The following SMYD3 variants were observed in gnomAD, a reference collection of about 807,000 sequenced individuals.
The protein encoded by SMYD3 is SET and MYND domain containing 3, also known as histone-lysine N-methyltransferase SMYD3.
A neutral mutation model predicts 57.7 loss-of-function variants in SMYD3; 36 were observed. The ratio of observed to expected loss-of-function variants is 0.62; its 90% confidence interval spans 0.48 to 0.82. The LOEUF (loss-of-function observed/expected upper bound fraction) is 0.82. SMYD3 is among the 40% of genes least tolerant of loss of function. The pLI, the probability that SMYD3 is intolerant of heterozygous loss-of-function variation, is 0.00. For missense variants in SMYD3, 515 were observed against 538.8 expected, an observed-to-expected ratio of 0.96 and a Z score of 0.44; for synonymous variants, 211 against 195.0, an observed-to-expected ratio of 1.08 and a Z score of -0.68.
chr1:246,029,210 A>G (rs2148254847), intron 5 of SMYD3, among the ~76,000 whole-genome samples: 1 of 152,372 alleles, frequency 6.6e-6, no homozygotes, highest in Non-Finnish European at 1.5e-5. Flanking sequence ...GACAAATGGC[A>G]CTATATTAAA....
chr1:245,753,648 G>C (rs1345773683), intron 11 of SMYD3, among the ~76,000 whole-genome samples: 11 of 150,050 alleles, frequency 7.3e-5, no homozygotes, highest in Admixed American at 7.3e-4. Flanking sequence ...AGTCCTCAAC[G>C]ATGTACGGAG....
At chr1:246,121,835 G>C (rs1269987838) in intron 5 of SMYD3, among the ~76,000 whole-genome samples, 1 of 152,150 alleles carries the variant, frequency 6.6e-6, no homozygotes, top group Non-Finnish European at 1.5e-5. Context: ...CATATCATCT[G>C]TGACAAGAGC....
chr1:245,762,883 G>A (rs949741683), intron 11 of SMYD3, among the ~76,000 whole-genome samples: 17 of 152,242 alleles, frequency 1.1e-4, no homozygotes, highest in African/African-American at 4.1e-4. Flanking sequence ...AGGGCATGGC[G>A]GCCCAGAGGG....
At chr1:245,862,375 CAT>C (rs1197696851) in intron 9 of SMYD3, among the ~76,000 whole-genome samples, 10 of 152,084 alleles carry the variant, frequency 6.6e-5, no homozygotes, top group South Asian at 2.1e-4. Context: ...ATTTTTTTCA[CAT>C]GTTCTTATGC....
intron 5 of SMYD3, among the ~76,000 whole-genome samples, chr1:245,986,745 C>A (rs1300631447): frequency 6.6e-6 from 1 of 152,176 alleles, no homozygotes; most frequent in Admixed American, 6.5e-5. Context: ...GCAAGGCTGG[C>A]AAGAACGGGT....
intron 10 of SMYD3, among the ~76,000 whole-genome samples, chr1:245,805,815 G>T (rs1341534835): frequency 6.6e-6 from 1 of 152,208 alleles, no homozygotes; most frequent in East Asian, 1.9e-4. Context: ...AGTATCTGCT[G>T]TCTTACCTGA....
chr1:245,827,528 A>C (rs1426142222), intron 10 of SMYD3, among the ~76,000 whole-genome samples: 1 of 152,128 alleles, frequency 6.6e-6, no homozygotes, highest in Non-Finnish European at 1.5e-5. Flanking sequence ...CAGACAGTAA[A>C]ATCCTCCCAC....
At chr1:245,941,085 G>A (rs1026404489) in intron 5 of SMYD3, among the ~76,000 whole-genome samples, 3 of 152,136 alleles carry the variant, frequency 2.0e-5, no homozygotes, top group African/African-American at 7.2e-5. Flanking sequence ...AGACTGTCTT[G>A]CTGAAATAAG....
intron 5 of SMYD3, among the ~76,000 whole-genome samples, chr1:245,979,583 G>A (rs887790561): frequency 1.5e-4 from 23 of 152,262 alleles, no homozygotes; most frequent in Admixed American, 2.6e-4. Context: ...GCTGCCACCA[G>A]GAGCTACGGG....
intron 1 of SMYD3, among the ~76,000 whole-genome samples, chr1:246,470,124 A>G (rs1451811471): frequency 6.6e-6 from 1 of 152,230 alleles, no homozygotes; most frequent in Non-Finnish European, 1.5e-5. Flanking sequence ...TATTAATATC[A>G]TAAAAGATGA....
intron 8 of SMYD3, among the ~76,000 whole-genome samples, chr1:245,867,071 T>C (rs1353422821): frequency 6.6e-6 from 1 of 152,234 alleles, no homozygotes; most frequent in Non-Finnish European, 1.5e-5. Flanking sequence ...AATTAAGTTG[T>C]AGATGGGATT....
chr1:245,798,504 A>C (rs1350827971), intron 10 of SMYD3, among the ~76,000 whole-genome samples: 5 of 133,950 alleles, frequency 3.7e-5, no homozygotes, highest in African/African-American at 6.1e-5. Context: ...ACACACACAC[A>C]CCTTGAGCCT....
At chr1:246,393,337 C>T (rs755499229) in intron 1 of SMYD3, among the ~76,000 whole-genome samples, 48 of 152,140 alleles carry the variant, frequency 3.2e-4, no homozygotes, top group Non-Finnish European at 5.3e-4. Context: ...AGTGACAGAA[C>T]CAGAGGCTGC....
At chr1:246,476,231 A>G (rs2068029319) in intron 1 of SMYD3, among the ~76,000 whole-genome samples, 1 of 152,226 alleles carries the variant, frequency 6.6e-6, no homozygotes, top group South Asian at 2.1e-4. Flanking sequence ...ACGTACCATC[A>G]TCGTCACTGT....
At chr1:246,339,840 C>A (rs2065604108) in intron 2 of SMYD3, among the ~76,000 whole-genome samples, 1 of 152,244 alleles carries the variant, frequency 6.6e-6, no homozygotes, top group South Asian at 2.1e-4. Flanking sequence ...CTCTCAGGAG[C>A]ACGCTCCCGT....
chr1:245,813,005 C>CTTT lies in SMYD3; in HGVS notation c.1076+45488_1076+45490dup, dbSNP rs770448717. 3.4e-4 allele frequency among the ~76,000 whole-genome samples: 26 copies of CTTT among 75,646 alleles called. 2 individuals carry two copies. Among genetic ancestry groups the CTTT allele is most frequent in the East Asian group, 1.0e-3 (2 of 2,002 alleles). 49.6% of individuals were successfully genotyped at this position (75,646 alleles called of 152,430 possible). ...TGGAGCCATGGTCATGAGACAGCTT[C>CTTT]TTTTTTTTTTTTTTTTTTTTTTTTT... On this transcript the variant is annotated intron_variant, in intron 10 of 11. Coordinates refer to ENST00000490107, the MANE Select transcript of SMYD3 (RefSeq NM_001167740.2).
chr1:246,059,860 G>C (rs907496126), intron 5 of SMYD3, among the ~76,000 whole-genome samples: 1 of 152,110 alleles, frequency 6.6e-6, no homozygotes, highest in Non-Finnish European at 1.5e-5. Context: ...ATTTATGTTG[G>C]AACAGTAGGC....
intron 10 of SMYD3, among the ~76,000 whole-genome samples, chr1:245,804,197 C>T (rs1255661021): frequency 1.3e-5 from 2 of 152,148 alleles, no homozygotes; most frequent in East Asian, 3.9e-4. Context: ...AGGCGTGAGG[C>T]ACCGCGCCCA....
chr1:246,143,475 G>A lies in SMYD3; in HGVS notation c.531+183726C>T, dbSNP rs73141343. On this transcript the variant is annotated intron_variant, in intron 5 of 11. Transcript: ENST00000490107. ...GTGGATAGCTTGTTCAAGACCAACC[G>A]GGGCAATGTGGCAAAATCCCATCTC... Among the ~76,000 whole-genome samples the A allele has an allele frequency of 8.4e-3, 1,276 of 152,124 alleles. 13 individuals are homozygous for A. The highest frequency in any genetic ancestry group is 0.028 in the African/African-American group (1,183 of 41,530).
Sources: gnomAD v4.1 joint callset for allele counts (sites outside exome capture counted in the v4.1 genomes callset) on GRCh38, gnomAD v4.1.1 for gene constraint, MANE v1.5 for transcripts, NCBI Gene and HGNC (gene_info 2026-07-23, HGNC 2026-07-21) for gene names.